Variants in SLIT3 observed in about 807,000 individuals in gnomAD.
SLIT3 encodes the protein slit guidance ligand 3, also known as slit homolog 3 protein.
Under a neutral mutation model 184.0 loss-of-function variants are expected in SLIT3, and 68 were observed. The observed-to-expected ratio is 0.37, with a 90% CI of 0.30 to 0.45. The LOEUF is 0.45. Ranked by LOEUF, SLIT3 falls within the 20% of genes least tolerant of loss-of-function variation. The pLI is 1.00. For synonymous variants in SLIT3, 831 were observed against 828.6 expected (o/e 1.00, Z -0.05); for missense variants, 1,707 against 2,026.0 (o/e 0.84, Z 3.02).
At chr5:168,898,001 C>G (rs1016971990) in intron 4 of SLIT3, among the ~76,000 whole-genome samples, 2 of 152,214 alleles carry the variant, frequency 1.3e-5, no homozygotes, top group African/African-American at 4.8e-5. Flanking sequence ...CTTCCAGTCC[C>G]CCTCAGCTCA....
At chr5:168,806,832 T>G (rs1756981463) in intron 8 of SLIT3, among the ~76,000 whole-genome samples, 2 of 152,206 alleles carry the variant, frequency 1.3e-5, no homozygotes, top group Admixed American at 6.5e-5. Context: ...TCCTGTCATC[T>G]CCATCTTTTG....
At chr5:168,743,469 G>A (rs749923112) in intron 20 of SLIT3, among the ~76,000 whole-genome samples, 1 of 152,208 alleles carries the variant, frequency 6.6e-6, no homozygotes, top group African/African-American at 2.4e-5. Flanking sequence ...GCCCATCAAA[G>A]ATGATGAATT....
intron 4 of SLIT3, among the ~76,000 whole-genome samples, chr5:168,956,572 G>C (rs1198761511): frequency 6.6e-6 from 1 of 152,172 alleles, no homozygotes; most frequent in African/African-American, 2.4e-5. Context: ...AAGGCGGGCA[G>C]ATCAGGAGGT....
intron 20 of SLIT3, among the ~76,000 whole-genome samples, chr5:168,740,287 C>T (rs2337552): frequency 0.47 from 71,031 of 151,952 alleles, 17,249 homozygotes; most frequent in African/African-American, 0.59. Flanking sequence ...TGAAAGGAGA[C>T]TGTGAGAGAA....
At chr5:168,849,465 A>G (rs901843745) in intron 5 of SLIT3, among the ~76,000 whole-genome samples, 3 of 152,214 alleles carry the variant, frequency 2.0e-5, no homozygotes, top group Non-Finnish European at 4.4e-5. Flanking sequence ...AATGTGCCAA[A>G]TAAGTGTGGG....
chr5:169,261,937 C>A (rs138572214), intron 1 of SLIT3, among the ~76,000 whole-genome samples: 1 of 152,232 alleles, frequency 6.6e-6, no homozygotes, highest in Non-Finnish European at 1.5e-5. Context: ...GAACTGGAGG[C>A]AGCCTCTACC....
chr5:169,168,197 G>A (rs1762700708), intron 4 of SLIT3, among the ~76,000 whole-genome samples: 1 of 152,146 alleles, frequency 6.6e-6, no homozygotes, highest in South Asian at 2.1e-4. Flanking sequence ...CCTTCCTACA[G>A]TCTAGCAGTA....
intron 1 of SLIT3, among the ~76,000 whole-genome samples, chr5:169,298,146 G>A (rs900676045): frequency 1.3e-5 from 2 of 152,100 alleles, no homozygotes; most frequent in Non-Finnish European, 2.9e-5. Context: ...CCATTCCCAG[G>A]GAGGAAGGAG....
At chr5:168,996,874 G>C (rs1183806777) in intron 4 of SLIT3, among the ~76,000 whole-genome samples, 1 of 152,208 alleles carries the variant, frequency 6.6e-6, no homozygotes, top group Non-Finnish European at 1.5e-5. Context: ...TGGGTGGCCT[G>C]AGCCGGGTGG....
At chr5:168,855,595 T>G (rs1177132450) in intron 5 of SLIT3, among the ~76,000 whole-genome samples, 1 of 152,206 alleles carries the variant, frequency 6.6e-6, no homozygotes, top group Non-Finnish European at 1.5e-5. Context: ...TTGAAAACAT[T>G]ACGCTAAGTG....
At chr5:169,018,135 A>G (rs142731988) in intron 4 of SLIT3, among the ~76,000 whole-genome samples, 110 of 152,344 alleles carry the variant, frequency 7.2e-4, no homozygotes, top group Non-Finnish European at 1.4e-3. Flanking sequence ...TATGTTAAAT[A>G]CAAGTTCTCA....
intron 3 of SLIT3, among the ~76,000 whole-genome samples, chr5:169,211,513 C>T (rs1470273379): frequency 6.6e-6 from 1 of 152,176 alleles, no homozygotes; most frequent in Non-Finnish European, 1.5e-5. Flanking sequence ...TCACCTCCTA[C>T]CACTCTCCTA....
At chr5:168,928,625 CCAAAAACCTT>C (rs541384767) in intron 4 of SLIT3, among the ~76,000 whole-genome samples, 2 of 152,254 alleles carry the variant, frequency 1.3e-5, no homozygotes, top group East Asian at 3.9e-4. Context: ...GGAGGAAATA[CCAAAAACCTT>C]TAAAAACATA....
At chr5:168,801,595 G>A (rs1450354300) in intron 9 of SLIT3, among the ~76,000 whole-genome samples, 1 of 152,130 alleles carries the variant, frequency 6.6e-6, no homozygotes, top group Admixed American at 6.5e-5. Context: ...GAAGAAGATG[G>A]GACTCTAAAG....
At chr5:168,668,262 G>T (rs1024152712) in intron 35 of SLIT3, among the ~76,000 whole-genome samples, 1 of 152,136 alleles carries the variant, frequency 6.6e-6, no homozygotes, top group Non-Finnish European at 1.5e-5. Flanking sequence ...GTGGAGCAAT[G>T]CCATCAGCTT....
At chr5:169,033,247 T>G (rs1170916653) in intron 4 of SLIT3, among the ~76,000 whole-genome samples, 1 of 152,188 alleles carries the variant, frequency 6.6e-6, no homozygotes, top group Non-Finnish European at 1.5e-5. Flanking sequence ...CTTAACACAG[T>G]GCACTCCAGG....
intron 8 of SLIT3, among the ~76,000 whole-genome samples, chr5:168,814,336 C>G (rs1757259571): frequency 6.6e-6 from 1 of 152,184 alleles, no homozygotes. Context: ...GCAGAAGTTG[C>G]AGTGAGCCAA....
At chr5:169,265,541 C>T (rs1300590915) in intron 1 of SLIT3, among the ~76,000 whole-genome samples, 1 of 152,198 alleles carries the variant, frequency 6.6e-6, no homozygotes, top group South Asian at 2.1e-4. Context: ...TCCCTGCTGC[C>T]AAACATAGCG....
chr5:169,169,806 C>T (rs1762760257), intron 4 of SLIT3, among the ~76,000 whole-genome samples: 1 of 152,226 alleles, frequency 6.6e-6, no homozygotes, highest in Non-Finnish European at 1.5e-5. Flanking sequence ...GTAACTGCTT[C>T]AATTCAAAAC....
Sources: allele counts gnomAD v4.1 joint callset (sites outside exome capture counted in the v4.1 genomes callset), GRCh38; gene constraint gnomAD v4.1.1; transcripts MANE v1.5; gene names NCBI Gene and HGNC (gene_info 2026-07-23, HGNC 2026-07-21).